The following DENND1A variants were observed in gnomAD, a reference collection of about 807,000 sequenced individuals.
DENND1A encodes the protein DENN domain containing 1A, also known as DENN domain-containing protein 1A.
Under a neutral mutation model 113.7 loss-of-function variants are expected in DENND1A, and 51 were observed. The ratio of observed to expected loss-of-function variants is 0.45; its 90% CI spans 0.36 to 0.57. The LOEUF (loss-of-function observed/expected upper bound fraction) is 0.57, where lower values mean the gene tolerates loss of function less well. DENND1A is among the 20% of genes least tolerant of loss of function. DENND1A has a pLI of 0.00. For synonymous variants in DENND1A, 565 were observed against 570.8 expected (o/e 0.99, Z 0.14); for missense variants, 1,258 against 1,395.9 (o/e 0.90, Z 1.57).
At chr9:123,690,889 C>T (rs1282306328) in intron 5 of DENND1A, among the ~76,000 whole-genome samples, 1 of 152,224 alleles carries the variant, frequency 6.6e-6, no homozygotes, top group Non-Finnish European at 1.5e-5. Context: ...TTTGTACTCT[C>T]TAACAAACTG....
At chr9:123,398,992 C>T (rs557728657) in intron 21 of DENND1A, among the ~76,000 whole-genome samples, 30 of 151,652 alleles carry the variant, frequency 2.0e-4, no homozygotes, top group African/African-American at 6.3e-4. Context: ...GACGGGGTTT[C>T]GCCATGTTAG....
At chr9:123,619,435 T>C (rs1220530617) in intron 10 of DENND1A, among the ~76,000 whole-genome samples, 1 of 152,138 alleles carries the variant, frequency 6.6e-6, no homozygotes, top group African/African-American at 2.4e-5. Context: ...GATTGATTGA[T>C]TGAGACAGAG....
At chr9:123,621,135 G>T (rs1432628094) in intron 10 of DENND1A, among the ~76,000 whole-genome samples, 4 of 148,798 alleles carry the variant, frequency 2.7e-5, no homozygotes, top group Admixed American at 1.3e-4. Flanking sequence ...CATTCTGTGT[G>T]TTAAGTCTAT....
chr9:123,486,772 A>C (rs1184769719), intron 13 of DENND1A, among the ~76,000 whole-genome samples: 2 of 152,246 alleles, frequency 1.3e-5, no homozygotes, highest in African/African-American at 2.4e-5. Flanking sequence ...ATGGTCCCCC[A>C]ACCTTCTGGG....
chr9:123,498,096 T>C (rs2052109948), intron 13 of DENND1A, among the ~76,000 whole-genome samples: 1 of 152,240 alleles, frequency 6.6e-6, no homozygotes, highest in Non-Finnish European at 1.5e-5. Flanking sequence ...AACTAAGAGA[T>C]AGCTTAAATA....
chr9:123,858,323 G>A (rs1844571671), intron 2 of DENND1A, among the ~76,000 whole-genome samples: 1 of 152,180 alleles, frequency 6.6e-6, no homozygotes, highest in Non-Finnish European at 1.5e-5. Context: ...TTCCCAAATT[G>A]TGCAGAAGAA....
At chr9:123,640,244 T>C (rs1029949578) in intron 9 of DENND1A, among the ~76,000 whole-genome samples, 1 of 152,128 alleles carries the variant, frequency 6.6e-6, no homozygotes, top group Non-Finnish European at 1.5e-5. Flanking sequence ...TGTTAGCATA[T>C]AAAGAAAGAA....
intron 2 of DENND1A, among the ~76,000 whole-genome samples, chr9:123,841,864 G>C (rs2132978504): frequency 6.6e-6 from 1 of 152,252 alleles, no homozygotes; most frequent in East Asian, 1.9e-4. Flanking sequence ...AAGGCAGTAG[G>C]TTTTTAGTTT....
chr9:123,832,663 G>GA (rs1251888811), intron 2 of DENND1A, among the ~76,000 whole-genome samples: 1 of 152,120 alleles, frequency 6.6e-6, no homozygotes, highest in Admixed American at 6.5e-5. Flanking sequence ...TCATATTACA[G>GA]AATAGTGTAT....
chr9:123,858,058 C>CAAAA (rs1230079039), intron 2 of DENND1A, among the ~76,000 whole-genome samples: 1 of 51,068 alleles, frequency 2.0e-5, no homozygotes, highest in African/African-American at 7.4e-5. Flanking sequence ...GACTCCGTCT[C>CAAAA]AAAAAAAAAA....
At chr9:123,681,975 C>T (rs893613578) in intron 5 of DENND1A, among the ~76,000 whole-genome samples, 5 of 151,598 alleles carry the variant, frequency 3.3e-5, no homozygotes, top group Non-Finnish European at 5.9e-5. Context: ...CAACAGGACA[C>T]GAAAGCCAGT....
At chr9:123,413,173 G>A (rs2044448916) in intron 19 of DENND1A, 1 of 159,914 alleles carries the variant, frequency 6.3e-6, no homozygotes, top group African/African-American at 2.4e-5. Context: ...GACAGAGTGA[G>A]ACTGTCTCAA....
intron 1 of DENND1A, among the ~76,000 whole-genome samples, chr9:123,916,630 C>T (rs960229425): frequency 1.3e-5 from 2 of 152,046 alleles, no homozygotes; most frequent in East Asian, 3.9e-4. Context: ...GCCTTGGCCA[C>T]CCAGAGTGCT....
At chr9:123,702,915 G>T (rs895612964) in intron 5 of DENND1A, among the ~76,000 whole-genome samples, 1 of 152,200 alleles carries the variant, frequency 6.6e-6, no homozygotes, top group Non-Finnish European at 1.5e-5. Context: ...TGCCATAATG[G>T]TGGTATGTAA....
chr9:123,853,654 ACT>A lies in DENND1A; in HGVS notation c.88+25295_88+25296del, dbSNP rs569633112. Among the ~76,000 whole-genome samples, 178 of 152,214 alleles carry A rather than the reference ACT, an allele frequency of 1.2e-3. 1 individual carries two copies. The highest frequency in any genetic ancestry group is 1.2e-3 in the South Asian group (6 of 4,818). On this transcript the variant is annotated intron_variant, in intron 2 of 23. Transcript: ENST00000394215. ...ACTCCAGCCTGGGTGACAGAGTGAGACTCTGTCTCAAAAAAACACAAAAATTA... is the reference window on the plus strand; with the variant it reads ...ACTCCAGCCTGGGTGACAGAGTGAGACTGTCTCAAAAAAACACAAAAATTA...
At chr9:123,743,995 A>G (rs1463909836) in intron 5 of DENND1A, among the ~76,000 whole-genome samples, 1 of 152,208 alleles carries the variant, frequency 6.6e-6, no homozygotes, top group South Asian at 2.1e-4. Flanking sequence ...TTTGGTAGCT[A>G]AAGTACTGCC....
At chr9:123,726,047 C>T (rs1033842506) in intron 5 of DENND1A, among the ~76,000 whole-genome samples, 11 of 152,286 alleles carry the variant, frequency 7.2e-5, no homozygotes, top group African/African-American at 2.6e-4. Context: ...CCTTAAATAT[C>T]AAAGTTTGTG....
At chr9:123,491,213 C>T (rs894263431) in intron 13 of DENND1A, among the ~76,000 whole-genome samples, 4 of 152,216 alleles carry the variant, frequency 2.6e-5, no homozygotes, top group Admixed American at 2.6e-4. Flanking sequence ...GGTTCCCTGA[C>T]ACCAGAAGGA....
chr9:123,829,081 G>C (rs887783939), intron 2 of DENND1A, among the ~76,000 whole-genome samples: 2 of 152,152 alleles, frequency 1.3e-5, no homozygotes, highest in African/African-American at 4.8e-5. Flanking sequence ...AGATAGCTCA[G>C]TGAAGTATAA....
Sources: allele counts gnomAD v4.1 joint callset (sites outside exome capture counted in the v4.1 genomes callset), GRCh38; gene constraint gnomAD v4.1.1; transcripts MANE v1.5; gene names NCBI Gene and HGNC (gene_info 2026-07-23, HGNC 2026-07-21).